Variants in SCHIP1 observed in about 807,000 individuals in gnomAD.
SCHIP1 encodes schwannomin-interacting protein 1.
SCHIP1 carries 8 observed loss-of-function variants against 29.7 expected under a neutral mutation model. The observed-to-expected ratio is 0.27, with a 90% CI of 0.16 to 0.49. The LOEUF (loss-of-function observed/expected upper bound fraction) is 0.49. Ranked by LOEUF, SCHIP1 falls within the 20% of genes least tolerant of loss-of-function variation. The pLI is 0.99. For synonymous variants in SCHIP1, 76 were observed against 94.9 expected, an observed-to-expected ratio of 0.80 and a Z score of 1.16; for missense variants, 193 against 294.6, an observed-to-expected ratio of 0.66 and a Z score of 2.52.
At chr3:159,502,639 C>T in the SCHIP1 span, among the ~76,000 whole-genome samples, 3 of 151,818 alleles carry the variant, frequency 2.0e-5, no homozygotes, top group African/African-American at 7.3e-5. Flanking sequence ...GCTATCCCTC[C>T]CCACTCCCCC....
chr3:159,493,230 G>C, the SCHIP1 span, among the ~76,000 whole-genome samples: 1 of 152,152 alleles, frequency 6.6e-6, no homozygotes, highest in Non-Finnish European at 1.5e-5. Context: ...CATAATGACA[G>C]GATCAAATTC....
At chr3:159,551,273 C>G in the SCHIP1 span, among the ~76,000 whole-genome samples, 1 of 152,164 alleles carries the variant, frequency 6.6e-6, no homozygotes, top group Non-Finnish European at 1.5e-5. Context: ...TTACAGAATC[C>G]TGCTTTGACG....
At chr3:159,464,384 C>A in the SCHIP1 span, among the ~76,000 whole-genome samples, 2 of 152,154 alleles carry the variant, frequency 1.3e-5, no homozygotes, top group African/African-American at 2.4e-5. Context: ...GGTGACATTT[C>A]TTTTTCTGTA....
chr3:159,398,479 T>C, the SCHIP1 span, among the ~76,000 whole-genome samples: 1 of 152,192 alleles, frequency 6.6e-6, no homozygotes, highest in South Asian at 2.1e-4. Context: ...AATGAAATAT[T>C]CAATTGACTT....
At chr3:159,549,535 C>T in the SCHIP1 span, among the ~76,000 whole-genome samples, 142 of 152,210 alleles carry the variant, frequency 9.3e-4, no homozygotes, top group South Asian at 0.011. Context: ...CCCTCACACA[C>T]GCACAAAGAA....
the SCHIP1 span, among the ~76,000 whole-genome samples, chr3:159,433,406 G>A: frequency 8.5e-5 from 13 of 152,172 alleles, no homozygotes; most frequent in African/African-American, 3.1e-4. Flanking sequence ...CCGCTTAAGA[G>A]CAGGGCTGGT....
the SCHIP1 span, among the ~76,000 whole-genome samples, chr3:159,460,293 G>A: frequency 6.6e-6 from 1 of 152,176 alleles, no homozygotes. Flanking sequence ...ACCCCTGAGG[G>A]TGGGTGAGGT....
At chr3:159,577,860 C>A in the SCHIP1 span, among the ~76,000 whole-genome samples, 4 of 152,100 alleles carry the variant, frequency 2.6e-5, no homozygotes, top group African/African-American at 9.7e-5. Flanking sequence ...TTTTTCAAAG[C>A]AATCAACCAG....
chr3:159,653,165 T>A, the SCHIP1 span, among the ~76,000 whole-genome samples: 1 of 152,214 alleles, frequency 6.6e-6, no homozygotes, highest in Non-Finnish European at 1.5e-5. Flanking sequence ...TTAACCATTG[T>A]GGAAGACAGT....
the SCHIP1 span, among the ~76,000 whole-genome samples, chr3:159,389,904 G>A: frequency 3.3e-5 from 5 of 151,924 alleles, no homozygotes; most frequent in African/African-American, 4.8e-5. Context: ...AATGATTCCT[G>A]TTCATAGGAA....
chr3:159,613,922 T>C, the SCHIP1 span, among the ~76,000 whole-genome samples: 17 of 152,364 alleles, frequency 1.1e-4, no homozygotes, highest in African/African-American at 4.1e-4. Context: ...CCTTGGCATA[T>C]ATAAATTATT....
At chr3:159,674,996 G>A in the SCHIP1 span, among the ~76,000 whole-genome samples, 1 of 152,204 alleles carries the variant, frequency 6.6e-6, no homozygotes, top group African/African-American at 2.4e-5. Flanking sequence ...CATTGGACCA[G>A]GAAGGCTCAG....
chr3:159,552,353 C>T, the SCHIP1 span, among the ~76,000 whole-genome samples: 1 of 152,026 alleles, frequency 6.6e-6, no homozygotes, highest in Non-Finnish European at 1.5e-5. Flanking sequence ...GCCCACATTG[C>T]ATTTTAATTA....
the SCHIP1 span, among the ~76,000 whole-genome samples, chr3:159,505,295 A>G: frequency 6.6e-6 from 1 of 152,192 alleles, no homozygotes; most frequent in Non-Finnish European, 1.5e-5. Flanking sequence ...TATGAATTCA[A>G]TGCAATCCAA....
chr3:159,674,856 T>C, the SCHIP1 span, among the ~76,000 whole-genome samples: 3 of 152,048 alleles, frequency 2.0e-5, no homozygotes, highest in South Asian at 2.1e-4. Context: ...ACTCATGAAA[T>C]AGAAGCAGGG....
the SCHIP1 span, among the ~76,000 whole-genome samples, chr3:159,402,101 C>G: frequency 6.6e-6 from 1 of 152,006 alleles, no homozygotes; most frequent in Non-Finnish European, 1.5e-5. Flanking sequence ...ACAAACAACC[C>G]CATCAAAAAG....
At chr3:159,645,650 A>T in the SCHIP1 span, among the ~76,000 whole-genome samples, 1 of 152,112 alleles carries the variant, frequency 6.6e-6, no homozygotes, top group Non-Finnish European at 1.5e-5. Context: ...GGCCAAAACC[A>T]GTGAGGGAGC....
chr3:159,507,727 TG>T, the SCHIP1 span, among the ~76,000 whole-genome samples: 1 of 152,356 alleles, frequency 6.6e-6, no homozygotes, highest in East Asian at 1.9e-4. Flanking sequence ...GAGATAATCA[TG>T]TGGTTTTTGT....
At chr3:159,872,123 C>T (rs1045248332) in intron 2 of SCHIP1, among the ~76,000 whole-genome samples, 3 of 152,068 alleles carry the variant, frequency 2.0e-5, no homozygotes, top group Admixed American at 1.3e-4. Context: ...GCTGTTGTTT[C>T]CATTTCCTTT....
Sources: allele counts gnomAD v4.1 joint callset (sites outside exome capture counted in the v4.1 genomes callset), GRCh38; gene constraint gnomAD v4.1.1; transcripts MANE v1.5; gene names NCBI Gene and HGNC (gene_info 2026-07-23, HGNC 2026-07-21).